DCAF8L2: variants seen among roughly 807,000 people sequenced by gnomAD.
The protein encoded by DCAF8L2 is DDB1- and CUL4-associated factor 8-like protein 2.
For missense variants in DCAF8L2, 430 were observed against 490.7 expected (o/e 0.88, Z 1.17); for synonymous variants, 200 against 190.9 (o/e 1.05, Z -0.39).
the DCAF8L2 span, among the ~76,000 whole-genome samples, chrX:27,512,806 A>C: frequency 2.0e-5 from 2 of 97,941 alleles, no homozygotes; most frequent in African/African-American, 4.0e-5. Context: ...AAAAAAAAAA[A>C]AAAACAAAGC....
chrX:27,734,664 G>A (rs1921419452), intron 4 of DCAF8L2, among the ~76,000 whole-genome samples: 1 of 111,592 alleles, frequency 9.0e-6, no homozygotes, highest in Admixed American at 9.5e-5. Flanking sequence ...TTTCTACTGG[G>A]GAGCATAAAA....
At chrX:27,602,046 A>C (rs941001527) in intron 1 of DCAF8L2, among the ~76,000 whole-genome samples, 2 of 111,842 alleles carry the variant, frequency 1.8e-5, no homozygotes, top group Admixed American at 1.9e-4. Context: ...AAAGATATGT[A>C]GGCCTGCTTT....
At chrX:27,609,257 C>T (rs1198036850) in intron 1 of DCAF8L2, among the ~76,000 whole-genome samples, 1 of 111,250 alleles carries the variant, frequency 9.0e-6, no homozygotes, top group Non-Finnish European at 1.9e-5. Context: ...TTTCTTTAAT[C>T]GAGAAAAGAT....
the DCAF8L2 span, among the ~76,000 whole-genome samples, chrX:27,579,309 A>C: frequency 9.0e-6 from 1 of 111,515 alleles, no homozygotes; most frequent in South Asian, 3.8e-4. Flanking sequence ...ATACAGGGAC[A>C]GAAAACCAAG....
chrX:27,605,186 A>G (rs1241583304), intron 1 of DCAF8L2, among the ~76,000 whole-genome samples: 2 of 110,987 alleles, frequency 1.8e-5, no homozygotes, highest in Admixed American at 9.7e-5. Context: ...AAAGATATAT[A>G]ATCACCAAAA....
At chrX:27,542,003 T>C in the DCAF8L2 span, among the ~76,000 whole-genome samples, 4 of 111,934 alleles carry the variant, frequency 3.6e-5, no homozygotes, top group South Asian at 1.5e-3. Flanking sequence ...GCTACATCCA[T>C]GTTGCTGCAA....
At chrX:27,514,205 T>C in the DCAF8L2 span, among the ~76,000 whole-genome samples, 7 of 74,697 alleles carry the variant, frequency 9.4e-5, no homozygotes, top group Non-Finnish European at 1.8e-4. Context: ...CATATGTACA[T>C]GTATGTGTGC....
intron 2 of DCAF8L2, among the ~76,000 whole-genome samples, chrX:27,654,311 G>A (rs1929266536): frequency 9.0e-6 from 1 of 111,661 alleles, no homozygotes; most frequent in Admixed American, 9.6e-5. Context: ...AAAAACAGCA[G>A]AAACAACAAC....
chrX:27,476,664 T>G, the DCAF8L2 span, among the ~76,000 whole-genome samples: 1 of 111,675 alleles, frequency 9.0e-6, no homozygotes, highest in Non-Finnish European at 1.9e-5. Context: ...ACTTTAGAAA[T>G]GATGGACTGA....
intron 4 of DCAF8L2, among the ~76,000 whole-genome samples, 159 bp downstream of exon 4, chrX:27,716,330 T>C (rs1002553062): frequency 8.9e-6 from 1 of 112,286 alleles, no homozygotes; most frequent in African/African-American, 3.2e-5. Flanking sequence ...TGTAAAACTG[T>C]GAAGGCATTA....
At chrX:27,634,301 C>A (rs1443447035) in intron 2 of DCAF8L2, among the ~76,000 whole-genome samples, 1 of 111,776 alleles carries the variant, frequency 8.9e-6, no homozygotes, top group Admixed American at 9.5e-5. Context: ...ATGCTACTCT[C>A]TCTCCCTGAA....
At chrX:27,516,456 A>T in the DCAF8L2 span, among the ~76,000 whole-genome samples, 78 of 12,951 alleles carry the variant, frequency 6.0e-3, no homozygotes, top group African/African-American at 0.013. Context: ...TCTCTCTCTC[A>T]CACACACACA....
At chrX:27,478,852 G>C in the DCAF8L2 span, among the ~76,000 whole-genome samples, 4 of 111,746 alleles carry the variant, frequency 3.6e-5, no homozygotes, top group Non-Finnish European at 7.5e-5. Context: ...TTTTCAAGAA[G>C]TTATTTCCTT....
At chrX:27,519,308 A>C in the DCAF8L2 span, 24 of 1,039,922 alleles carry the variant, frequency 2.3e-5, no homozygotes, top group African/African-American at 2.0e-4. Context: ...GCAAAAGAAG[A>C]AGCAGAGCGG....
intron 2 of DCAF8L2, among the ~76,000 whole-genome samples, chrX:27,669,513 A>G (rs1471822643): frequency 1.8e-5 from 2 of 109,365 alleles, no homozygotes; most frequent in Non-Finnish European, 3.8e-5. Context: ...TCTAGGGTAC[A>G]TGTGCACAAT....
chrX:27,745,467 T>C (rs7880663), intron 4 of DCAF8L2, among the ~76,000 whole-genome samples: 6,225 of 112,166 alleles, frequency 0.055, 422 homozygotes, highest in African/African-American at 0.19. Flanking sequence ...CTAGTCATTC[T>C]CACTTCCATA....
chrX:27,481,189 C>A, the DCAF8L2 span, among the ~76,000 whole-genome samples: 1 of 110,001 alleles, frequency 9.1e-6, no homozygotes, highest in Admixed American at 9.8e-5. Flanking sequence ...ATCAGCCTGG[C>A]CAACATGGTA....
chrX:27,688,857 A>G (rs11095109), intron 3 of DCAF8L2, among the ~76,000 whole-genome samples: 11,240 of 110,979 alleles, frequency 0.1, 545 homozygotes, highest in East Asian at 0.35. Context: ...GTTTGTTTTC[A>G]TTTGCTATTT....
At chrX:27,595,295 T>C (rs1926300415) in intron 1 of DCAF8L2, among the ~76,000 whole-genome samples, 1 of 111,909 alleles carries the variant, frequency 8.9e-6, no homozygotes, top group Non-Finnish European at 1.9e-5. Flanking sequence ...TTTGGAAGTC[T>C]AATAGACACT....
Sources: gnomAD v4.1 joint callset for allele counts (sites outside exome capture counted in the v4.1 genomes callset) on GRCh38, gnomAD v4.1.1 for gene constraint, MANE v1.5 for transcripts, NCBI Gene and HGNC (gene_info 2026-07-23, HGNC 2026-07-21) for gene names.